Variants in AGL observed in about 807,000 individuals in gnomAD.
AGL encodes the protein glycogen debranching enzyme.
In AGL, 128 loss-of-function variants were observed where a neutral mutation model predicts 199.3. The observed-to-expected ratio is 0.64, with a 90% CI of 0.56 to 0.74. The LOEUF (loss-of-function observed/expected upper bound fraction) is 0.74, where lower values mean the gene tolerates loss of function less well. Ranked by LOEUF, AGL falls within the 30% of genes least tolerant of loss-of-function variation. The pLI is 0.00. For missense variants in AGL, 1,809 were observed against 1,820.8 expected, an observed-to-expected ratio of 0.99 and a Z score of 0.12; for synonymous variants, 584 against 594.7, an observed-to-expected ratio of 0.98 and a Z score of 0.26.
intron 27 of AGL, among the ~76,000 whole-genome samples, chr1:99,909,127 C>A (rs553314829): frequency 4.5e-4 from 68 of 152,214 alleles, no homozygotes; most frequent in Admixed American, 4.1e-3. Flanking sequence ...ACTCTCCACT[C>A]AGTCTCTGCT....
intron 2 of AGL, among the ~76,000 whole-genome samples, chr1:99,857,847 A>AGAGGGAGGCCGTGGGGAGGGGGTGGGGGG (rs1557743553): frequency 1.2e-4 from 1 of 8,226 alleles, no homozygotes; most frequent in Non-Finnish European, 2.4e-4. Context: ...GGGGAGGGGG[A>AGAGGGAGGCCGTGGGGAGGGGGTGGGGGG]GGGGGGAAGA....
rs757238788 is a variant in AGL at position 99,922,604 on chromosome 1, GT to G, written c.*958del. On this transcript the variant is annotated 3_prime_UTR_variant, in exon 34 of 34. Coordinates refer to ENST00000361915, the MANE Select transcript of AGL (RefSeq NM_000642.3). ...CTTAAATTCAATAAAATCACTGGAA[GT>G]TTTTCATGATAACTTATTTTAAGAT... is the stretch of plus-strand genomic sequence containing the variant. The G allele has an allele frequency of 1.3e-5, 2 of 151,736 alleles. No individual in the cohort carries two copies. The highest frequency in any genetic ancestry group is 2.1e-4 in the South Asian group (1 of 4,806). 9.4% of individuals were successfully genotyped at this position (151,736 alleles called of 1,614,324 possible).
At chr1:99,897,314 G>A (rs1207418880) in intron 25 of AGL, among the ~76,000 whole-genome samples, 1 of 152,130 alleles carries the variant, frequency 6.6e-6, no homozygotes, top group South Asian at 2.1e-4. Flanking sequence ...GAGAGAGTAG[G>A]GTTGGTGGGC....
Position 99,884,378 on chromosome 1 carries a change from A to G in AGL, c.2473A>G (p.Thr825Ala), listed in dbSNP as rs1339838287. 9.3e-6 allele frequency: 15 copies of G among 1,613,416 alleles called. No individual in the cohort carries two copies. The highest frequency in any genetic ancestry group is 1.3e-5 in the African/African-American group (1 of 74,868). ...AATTGTTAAACAAGCTGGAGTTGCC[A>G]CAAAAGGGCCCAATGAATATATTCA... ...SKIVKQAGVATKGPNEYIQEI... is the reference protein window; with the variant it reads ...SKIVKQAGVAAKGPNEYIQEI... Residue 825 changes from threonine to alanine, a missense_variant, in exon 19 of 34, where the codon ACA becomes GCA. Physicochemically the swap from Thr to Ala is moderately conservative, Grantham distance 58. Transcript: ENST00000361915.
Position 99,881,064 on chromosome 1 carries a change from G to A in AGL, c.1900-12G>A. 6.2e-7 allele frequency: 1 copy of A among 1,608,822 alleles called. No homozygotes were observed. The highest frequency in any genetic ancestry group is 8.5e-7 in the Non-Finnish European group (1 of 1,175,412). The stretch of plus-strand genomic sequence containing the variant: ...GAAAGCAAACTTTTGCTTTGTTGTT[G>A]TTGTCTTCTAGCATAGATCAGCGTA... On this transcript the variant is annotated splice_polypyrimidine_tract_variant and intron_variant, in intron 14 of 33. Coordinates refer to ENST00000361915, the MANE Select transcript of AGL (RefSeq NM_000642.3).
chr1:99,923,863 C>CA lies in AGL; in HGVS notation c.*2215dup, dbSNP rs1655677316. The CA allele has an allele frequency of 6.6e-6, 1 of 152,018 alleles. No individual in the cohort carries two copies. The highest frequency in any genetic ancestry group is 1.5e-5 in the Non-Finnish European group (1 of 68,006). 9.4% of individuals were successfully genotyped at this position (152,018 alleles called of 1,614,324 possible). On this transcript the variant is annotated 3_prime_UTR_variant, in exon 34 of 34. Transcript: ENST00000361915. ...ATGCTGTGGTATTTTAATAAGTTTT[C>CA]AAAGATAATTGGGAAAACATGAGAC... is the stretch of plus-strand genomic sequence containing the variant.
chr1:99,885,531 G>A (rs1323124561), intron 20 of AGL, among the ~76,000 whole-genome samples: 2 of 152,146 alleles, frequency 1.3e-5, no homozygotes, highest in African/African-American at 2.4e-5. Flanking sequence ...ACAGCAGGAG[G>A]TGAGTGGCAG....
chr1:99,904,557 C>T (rs895418983), intron 27 of AGL, among the ~76,000 whole-genome samples: 1 of 152,058 alleles, frequency 6.6e-6, no homozygotes, highest in African/African-American at 2.4e-5. Flanking sequence ...AATCAAGATA[C>T]AGAACTGGTC....
intron 30 of AGL, 92 bp from the exon 31 acceptor site, chr1:99,915,297 A>AT: frequency 1.8e-6 from 2 of 1,087,110 alleles, no homozygotes; most frequent in Middle Eastern, 2.0e-4. Context: ...ATTTTAAGTA[A>AT]TTTTTTTCAA....
At chr1:99,859,794 G>A (rs1404696185) in intron 2 of AGL, among the ~76,000 whole-genome samples, 1 of 152,100 alleles carries the variant, frequency 6.6e-6, no homozygotes, top group Non-Finnish European at 1.5e-5. Flanking sequence ...CTCTCGCCTC[G>A]GCCTCCCAGA....
chr1:99,861,503 G>A lies in AGL; in HGVS notation c.83G>A (p.Gly28Glu), dbSNP rs752771103. ...TTATTAACATGTGCTTTTTATTTAG[G>A]GTATGAGCTACAGTTCCGATTAGGC... ...LEKTLFRLEQ[G>E]YELQFRLGPT... Residue 28 changes from glycine to glutamate, a missense_variant and splice_region_variant, in exon 3 of 34, where the codon GGG (glycine) becomes GAG (glutamate). Gly to Glu is a moderately conservative substitution (Grantham distance 98). Transcript: ENST00000361915. 3.1e-6 allele frequency: 5 copies of A among 1,613,506 alleles called. No individual in the cohort carries two copies. In the African/African-American group the frequency reaches 5.3e-5, roughly 17 times the overall value.
At chr1:99,866,413 TAGTC>T (rs1350701322) in intron 5 of AGL, among the ~76,000 whole-genome samples, 2 of 152,212 alleles carry the variant, frequency 1.3e-5, no homozygotes, top group Non-Finnish European at 2.9e-5. Context: ...TTCAAATTCT[TAGTC>T]AGATATGGCT....
At chr1:99,915,788 A>G (rs952584302) in intron 31 of AGL, among the ~76,000 whole-genome samples, 3 of 151,686 alleles carry the variant, frequency 2.0e-5, no homozygotes, top group South Asian at 2.1e-4. Flanking sequence ...ACACACACAC[A>G]CGCACACACA....
At chr1:99,861,792 TG>T (rs1422960037) in intron 3 of AGL, 79 bp downstream of exon 3, 4 of 1,512,352 alleles carry the variant, frequency 2.6e-6, no homozygotes, top group Middle Eastern at 2.3e-4. Flanking sequence ...TAAATGTTAC[TG>T]TATGAACCAT....
intron 12 of AGL, among the ~76,000 whole-genome samples, chr1:99,878,864 A>C (rs1196596405): frequency 6.6e-6 from 1 of 152,212 alleles, no homozygotes; most frequent in Non-Finnish European, 1.5e-5. Context: ...GCTTTTAGCA[A>C]TAGCAAAAAG....
intron 2 of AGL, among the ~76,000 whole-genome samples, chr1:99,854,680 C>T (rs1039296612): frequency 1.3e-5 from 2 of 151,166 alleles, no homozygotes; most frequent in East Asian, 2.0e-4. Context: ...AGGAGAAAGG[C>T]GTGAACCCAG....
chr1:99,876,154 C>T (rs1226543754), intron 10 of AGL, among the ~76,000 whole-genome samples: 3 of 152,114 alleles, frequency 2.0e-5, no homozygotes, highest in African/African-American at 7.2e-5. Context: ...GGATTACAGG[C>T]ATGAGCCACC....
At chr1:99,884,014 T>C in intron 17 of AGL, 106 bp from the exon 18 acceptor site, 1 of 939,780 alleles carries the variant, frequency 1.1e-6, no homozygotes, top group Non-Finnish European at 1.7e-6. Flanking sequence ...AAGTAACTGA[T>C]AATTTGTTTT....
rs558795469 is a variant in AGL, at chr1:99,871,161, A to G, written c.958+292A>G. 2.0e-5 allele frequency among the ~76,000 whole-genome samples: 3 copies of G among 152,252 alleles called. No individual in the cohort carries two copies. The East Asian group carries it at 5.8e-4, about 29-fold the overall frequency. On this transcript the variant is annotated intron_variant, in intron 7 of 33. Transcript: ENST00000361915. ...CAGTATATAGTTGTTAAATGTATGA[A>G]TGGGAAGTAGGTTGAACAGGTTATT... is the stretch of plus-strand genomic sequence containing the variant.
Sources: allele counts gnomAD v4.1 joint callset (sites outside exome capture counted in the v4.1 genomes callset), GRCh38; gene constraint gnomAD v4.1.1; transcripts MANE v1.5; gene names NCBI Gene and HGNC (gene_info 2026-07-23, HGNC 2026-07-21).